Variants in UPP2 observed in about 807,000 individuals in gnomAD.
UPP2 encodes uridine phosphorylase 2.
A neutral mutation model predicts 26.7 loss-of-function variants in UPP2; 23 were observed. That is an observed-to-expected ratio of 0.86 (90% CI 0.62 to 1.22). The LOEUF is 1.22. UPP2 is among the 50% of genes most tolerant of loss of function. UPP2 has a pLI of 0.00. For synonymous variants in UPP2, 127 were observed against 141.3 expected (o/e 0.90, Z 0.72); for missense variants, 387 against 396.7 (o/e 0.98, Z 0.21).
At chr2:158,011,665 C>CAGGA in intron 2 of UPP2, among the ~76,000 whole-genome samples, 1 of 137,454 alleles carries the variant, frequency 7.3e-6, no homozygotes, top group African/African-American at 2.7e-5. Flanking sequence ...GAACACTTGT[C>CAGGA]TGGAGGGAGG....
intron 2 of UPP2, 135 bp from the exon 3 acceptor site, chr2:158,114,966 G>A: frequency 1.2e-6 from 1 of 802,908 alleles, no homozygotes; most frequent in Non-Finnish European, 1.7e-6. Context: ...CTAATTCATG[G>A]AACATAAACC....
intron 6 of UPP2, among the ~76,000 whole-genome samples, chr2:158,128,992 G>A (rs1158966802): frequency 6.6e-6 from 1 of 151,962 alleles, no homozygotes; most frequent in Non-Finnish European, 1.5e-5. Flanking sequence ...ACTTTTACAG[G>A]GACAAGATTT....
chr2:158,023,231 G>GA (rs1553463656), intron 3 of UPP2, among the ~76,000 whole-genome samples: 1 of 31,358 alleles, frequency 3.2e-5, no homozygotes, highest in Non-Finnish European at 1.2e-4. Flanking sequence ...GCTGTCAGTT[G>GA]GGGGGGGGCA....
In UPP2 at chr2:158,003,140, G is replaced by A. The variant is rs1012755574; in HGVS notation, c.61+7881G>A. ...TGTCTTTGTCAGGGATGGGTAGGTG[G>A]GGTGTCACAACTTAGGGGGCTCAGG... On this transcript the variant is annotated intron_variant, in intron 2 of 9. Transcript: ENST00000605860. Among the ~76,000 whole-genome samples, 13 of 152,118 alleles carry A rather than the reference G, an allele frequency of 8.5e-5. 1 individual carries two copies. Among genetic ancestry groups the A allele is most frequent in the Admixed American group, 7.9e-4 (12 of 15,264 alleles).
At chr2:158,113,404 G>C (rs1030026296) in intron 2 of UPP2, among the ~76,000 whole-genome samples, 4 of 152,258 alleles carry the variant, frequency 2.6e-5, no homozygotes, top group African/African-American at 9.6e-5. Context: ...TCAATAACTA[G>C]TTTAAAACTC....
chr2:158,039,473 G>A (rs942741602), intron 3 of UPP2, among the ~76,000 whole-genome samples: 1 of 152,190 alleles, frequency 6.6e-6, no homozygotes, highest in Non-Finnish European at 1.5e-5. Flanking sequence ...TGAAAATCAA[G>A]GTACAGAAAA....
At position 158,057,540 on chromosome 2, in the gene UPP2, A is replaced by T. The variant is rs370037178; in HGVS notation, c.147+41654A>T. On this transcript the variant is annotated intron_variant, in intron 3 of 9. Coordinates refer to the UPP2 transcript ENST00000605860. Reference sequence around the variant, plus strand: ...GTTGGCATGTGTGTCCTTTTGAGAAACTACTGCAGAGTTCTCATCTACCCC... The same window carrying T: ...GTTGGCATGTGTGTCCTTTTGAGAATCTACTGCAGAGTTCTCATCTACCCC... Among the ~76,000 whole-genome samples the T allele has an allele frequency of 1.0e-3, 152 of 151,012 alleles. 5 individuals are homozygous for T. The South Asian group carries it at 0.027, about 27-fold the overall frequency.
upstream of UPP2, among the ~76,000 whole-genome samples, chr2:158,097,434 C>T (rs1009347240): frequency 3.3e-5 from 5 of 151,848 alleles, no homozygotes; most frequent in Admixed American, 6.6e-5. Context: ...AAATAAATTT[C>T]GTCAATCAAG....
intron 3 of UPP2, among the ~76,000 whole-genome samples, chr2:158,076,036 A>T (rs947221146): frequency 1.3e-5 from 2 of 152,018 alleles, no homozygotes; most frequent in African/African-American, 4.8e-5. Context: ...ACTAGTGGCT[A>T]TTATGAGCAA....
upstream of UPP2, among the ~76,000 whole-genome samples, chr2:158,097,100 A>G (rs888341769): frequency 1.3e-5 from 2 of 152,086 alleles, no homozygotes; most frequent in Non-Finnish European, 2.9e-5. Flanking sequence ...ATGAACCAGA[A>G]AAAAATAAAA....
intron 3 of UPP2, among the ~76,000 whole-genome samples, chr2:158,056,040 G>C (rs935565080): frequency 1.1e-4 from 16 of 152,180 alleles, no homozygotes; most frequent in Non-Finnish European, 2.9e-5. Context: ...GAGGCATGAT[G>C]CCTTTAGGAT....
At chr2:158,051,201 G>GTGTA (rs1558915021) in intron 3 of UPP2, among the ~76,000 whole-genome samples, 2 of 144,096 alleles carry the variant, frequency 1.4e-5, no homozygotes, top group Non-Finnish European at 3.1e-5. Flanking sequence ...GTGTGTGTAT[G>GTGTA]TGTGTATAAT....
At chr2:158,044,747 A>G (rs1013195958) in intron 3 of UPP2, among the ~76,000 whole-genome samples, 1 of 152,202 alleles carries the variant, frequency 6.6e-6, no homozygotes, top group Non-Finnish European at 1.5e-5. Flanking sequence ...GAAAAGCCAA[A>G]TAAACTAACA....
intron 2 of UPP2, among the ~76,000 whole-genome samples, chr2:158,108,305 T>A (rs1683236998): frequency 6.6e-6 from 1 of 152,126 alleles, no homozygotes; most frequent in Non-Finnish European, 1.5e-5. Context: ...CAGGCTCAAA[T>A]ATATACATAG....
intron 2 of UPP2, chr2:158,015,764 T>G: frequency 2.2e-6 from 1 of 453,190 alleles, no homozygotes; most frequent in South Asian, 1.6e-5. Flanking sequence ...CTTACCCCTT[T>G]GCTCTCTGTC....
intron 3 of UPP2, among the ~76,000 whole-genome samples, chr2:158,044,365 C>T (rs1020198928): frequency 6.6e-6 from 1 of 151,908 alleles, no homozygotes; most frequent in African/African-American, 2.4e-5. Context: ...ATCCAACTTA[C>T]AATGACTGGG....
rs1553463650 is a variant in UPP2, at chr2:158,023,230, T to TGAGG, written c.147+7345_147+7346insAGGG. Among the ~76,000 whole-genome samples the TGAGG allele has an allele frequency of 6.0e-5, 5 of 83,832 alleles. No homozygotes were observed. In the East Asian group the frequency reaches 1.3e-3, roughly 21 times the overall value. 55.0% of individuals were successfully genotyped at this position (83,832 alleles called of 152,430 possible). On this transcript the variant is annotated intron_variant, in intron 3 of 9. Coordinates refer to the UPP2 transcript ENST00000605860. Reference sequence around the variant, plus strand: ...ATGAGGTCATGGGGTTGCTGTCAGTTGGGGGGGGGCATTTGGAAGGCTTTC... The same window carrying TGAGG: ...ATGAGGTCATGGGGTTGCTGTCAGTTGAGGGGGGGGGGGCATTTGGAAGGCTTTC...
At chr2:158,006,308 G>A (rs13383727) in intron 2 of UPP2, among the ~76,000 whole-genome samples, 4,395 of 152,024 alleles carry the variant, frequency 0.029, 88 homozygotes, top group African/African-American at 0.052. Flanking sequence ...TCTTTACTAA[G>A]AATATAAAAA....
At chr2:158,115,350 C>T in intron 3 of UPP2, 91 bp downstream of exon 3, 1 of 1,426,772 alleles carries the variant, frequency 7.0e-7, no homozygotes, top group Non-Finnish European at 9.3e-7. Context: ...TTCCCTCCAG[C>T]TTCGCATTCT....
Sources: gnomAD v4.1 joint callset for allele counts (sites outside exome capture counted in the v4.1 genomes callset) on GRCh38, gnomAD v4.1.1 for gene constraint, MANE v1.5 for transcripts, NCBI Gene and HGNC (gene_info 2026-07-23, HGNC 2026-07-21) for gene names.